The following AGBL3 variants were observed in gnomAD, a reference collection of about 807,000 sequenced individuals.
AGBL3 encodes AGBL carboxypeptidase 3.
Under a neutral mutation model 94.5 loss-of-function variants are expected in AGBL3, and 68 were observed. The observed-to-expected ratio is 0.72, with a 90% CI of 0.59 to 0.88. The LOEUF is 0.88. Among genes scored for constraint, AGBL3 ranks in the 40% least tolerant of loss-of-function variants. The pLI, the probability that AGBL3 is intolerant of heterozygous loss-of-function variation, is 0.00. For missense variants in AGBL3, 934 were observed against 1,103.8 expected, an observed-to-expected ratio of 0.85 and a Z score of 2.18; for synonymous variants, 354 against 370.7, an observed-to-expected ratio of 0.95 and a Z score of 0.52.
rs1354052858 is a variant in AGBL3 at position 135,034,539 on chromosome 7, T to TC, written c.950dup (p.Val318SerfsTer7). 1 of 1,551,952 alleles carries TC rather than the reference T, an allele frequency of 6.4e-7. No homozygotes were observed. Among genetic ancestry groups the TC allele is most frequent in the Admixed American group, 2.0e-5 (1 of 51,000 alleles). ...AATACCTTTCTGGCATCAATAATGATCCAGTACGGTCAAAGTTTTGTAAAA... is the reference window on the plus strand; with the variant it reads ...AATACCTTTCTGGCATCAATAATGATCCCAGTACGGTCAAAGTTTTGTAAAA... On this transcript the variant is annotated frameshift_variant, in exon 7 of 17. Coordinates refer to ENST00000436302, the MANE Select transcript of AGBL3 (RefSeq NM_178563.4). LOFTEE classifies it high-confidence loss of function.
chr7:135,095,295 C>G (rs1301593784), intron 15 of AGBL3, among the ~76,000 whole-genome samples: 1 of 152,162 alleles, frequency 6.6e-6, no homozygotes, highest in African/African-American at 2.4e-5. Context: ...TCCCCCATAC[C>G]TTACCACCAC....
At chr7:134,987,843 T>G in intron 1 of AGBL3, 32 bp from the exon 2 acceptor site, 1 of 934,906 alleles carries the variant, frequency 1.1e-6, no homozygotes, top group Non-Finnish European at 1.6e-6. Context: ...ACCTACAGCT[T>G]GAAAAGAAAA....
intron 15 of AGBL3, among the ~76,000 whole-genome samples, chr7:135,097,497 G>T (rs1379698545): frequency 2.0e-5 from 3 of 152,088 alleles, no homozygotes; most frequent in African/African-American, 7.2e-5. Context: ...TCATCAATCT[G>T]CATTATTGGC....
At chr7:135,060,208 G>C (rs985170144) in intron 12 of AGBL3, among the ~76,000 whole-genome samples, 1 of 152,108 alleles carries the variant, frequency 6.6e-6, no homozygotes, top group African/African-American at 2.4e-5. Flanking sequence ...TATCACTTGA[G>C]ACAGTTTTAC....
intron 8 of AGBL3, 78 bp from the exon 9 acceptor site, chr7:135,043,947 T>C (rs1182613310): frequency 2.0e-6 from 3 of 1,478,062 alleles, no homozygotes; most frequent in Non-Finnish European, 2.7e-6. Flanking sequence ...ATAACCACTT[T>C]ATCATTTTTA....
rs989595729 is a variant in AGBL3, at chr7:134,993,693, G to C, written c.310+15G>C. The C allele has an allele frequency of 3.3e-6, 5 of 1,507,322 alleles. No individual in the cohort carries two copies. The Admixed American group carries it at 1.1e-4, about 33-fold the overall frequency. The allele number at this position is 1,507,322 out of a possible 1,614,324, so 93.4% of individuals were successfully genotyped here. A position where few individuals can be genotyped will look rare whatever the true frequency, so the allele number is the denominator to read the frequency against. On this transcript the variant is annotated intron_variant, in intron 4 of 16. Transcript: ENST00000436302. ...CCAGCATATTGGTATGTTTTTAGCA[G>C]TTTGGGGGATTCAGACATTAGCAAA...
In AGBL3 at chr7:135,034,207, C is replaced by A. The variant is rs1220943061; in HGVS notation, c.616C>A (p.Gln206Lys). ...TGACCTCTTCACAAATAAACACACCCAGTGGTACTATTTCCAAGTCACTAA... is the reference window on the plus strand; with the variant it reads ...TGACCTCTTCACAAATAAACACACCAAGTGGTACTATTTCCAAGTCACTAA... Reference protein sequence around the residue: ...RPDLFTNKHTQWYYFQVTNMR... With the variant: ...RPDLFTNKHTKWYYFQVTNMR... The change falls in exon 7 of 17, where the codon CAG becomes AAG. Residue 206 changes from glutamine (Q) to lysine (K), a missense_variant. Physicochemically the swap from Gln to Lys is moderately conservative, Grantham distance 53 (BLOSUM62 1). Coordinates refer to ENST00000436302, the MANE Select transcript of AGBL3 (RefSeq NM_178563.4). The A allele has an allele frequency of 3.9e-6, 6 of 1,551,440 alleles. No individual in the cohort carries two copies. Among genetic ancestry groups the A allele is most frequent in the Non-Finnish European group, 4.4e-6 (5 of 1,146,908 alleles).
intron 15 of AGBL3, among the ~76,000 whole-genome samples, chr7:135,098,980 A>G (rs78006222): frequency 0.051 from 7,747 of 152,288 alleles, 262 homozygotes; most frequent in Non-Finnish European, 0.08. Context: ...CACACATACT[A>G]TTAATCTGTT....
At chr7:135,003,843 T>G (rs542213249) in intron 4 of AGBL3, among the ~76,000 whole-genome samples, 63 of 151,488 alleles carry the variant, frequency 4.2e-4, no homozygotes, top group African/African-American at 1.5e-3. Flanking sequence ...CCATACTTTG[T>G]TTCTAATATT....
chr7:135,110,403 G>A (rs1360375327), intron 15 of AGBL3, among the ~76,000 whole-genome samples: 1 of 152,244 alleles, frequency 6.6e-6, no homozygotes, highest in East Asian at 1.9e-4. Flanking sequence ...AGCTCCTGGG[G>A]CTCTGTATAT....
intron 4 of AGBL3, among the ~76,000 whole-genome samples, chr7:135,008,549 G>A (rs1232985190): frequency 6.6e-6 from 1 of 151,584 alleles, no homozygotes; most frequent in East Asian, 1.9e-4. Context: ...AAACATAGAG[G>A]CAAATCTTCA....
chr7:135,096,787 G>GAAAGAA (rs1554516804), intron 15 of AGBL3, among the ~76,000 whole-genome samples: 2 of 147,052 alleles, frequency 1.4e-5, no homozygotes, highest in Non-Finnish European at 3.0e-5. Flanking sequence ...AAGAAAGAAA[G>GAAAGAA]AAAGAAAAAG....
chr7:134,994,239 T>C (rs1810679813), intron 4 of AGBL3, among the ~76,000 whole-genome samples: 1 of 152,216 alleles, frequency 6.6e-6, no homozygotes. Context: ...AGTGTATCTT[T>C]ATCTTCTTTT....
At chr7:135,070,615 C>T (rs112369275) in intron 12 of AGBL3, among the ~76,000 whole-genome samples, 17,987 of 151,938 alleles carry the variant, frequency 0.12, 1,188 homozygotes, top group East Asian at 0.19. Flanking sequence ...ACAGAACCAA[C>T]GACAAAAACC....
intron 5 of AGBL3, among the ~76,000 whole-genome samples, chr7:135,032,327 CAG>C (rs1815834424): frequency 6.6e-6 from 1 of 151,870 alleles, no homozygotes; most frequent in African/African-American, 2.4e-5. Flanking sequence ...TTTTTTGAGA[CAG>C]AGTCTCACTC....
chr7:135,019,000 C>G (rs1221617175), intron 5 of AGBL3, among the ~76,000 whole-genome samples: 3 of 152,150 alleles, frequency 2.0e-5, no homozygotes, highest in Non-Finnish European at 2.9e-5. Flanking sequence ...CTGGTCAGTC[C>G]GCAGCTCCAG....
intron 11 of AGBL3, among the ~76,000 whole-genome samples, chr7:135,048,550 A>G (rs1584940497): frequency 6.6e-6 from 1 of 151,938 alleles, no homozygotes; most frequent in East Asian, 1.9e-4. Flanking sequence ...TATAGTTTTC[A>G]TTATACAAGT....
At chr7:135,104,326 T>C (rs1824316848) in intron 15 of AGBL3, among the ~76,000 whole-genome samples, 1 of 152,226 alleles carries the variant, frequency 6.6e-6, no homozygotes, top group African/African-American at 2.4e-5. Context: ...TTGATAGGCA[T>C]CTAGGTTGAT....
Position 135,059,183 on chromosome 7 carries a change from A to T in AGBL3, c.1856A>T (p.Asp619Val). The T allele has an allele frequency of 6.4e-7, 1 of 1,551,096 alleles. No individual in the cohort carries two copies. The highest frequency in any genetic ancestry group is 8.7e-7 in the Non-Finnish European group (1 of 1,146,688). The part of the protein sequence containing the change: ...LDVESSSRGS[D>V]SSESIDSLTY... Reference sequence around the variant, plus strand: ...TTTTTTTGTAGTAGCCGAGGCTCTGACAGTTCAGAATCCATTGACTCTCTG... The same window carrying T: ...TTTTTTTGTAGTAGCCGAGGCTCTGTCAGTTCAGAATCCATTGACTCTCTG... The change falls in exon 12 of 17, where the codon GAC becomes GTC. Residue 619 changes from aspartate to valine, a missense_variant. Asp to Val is a radical substitution (Grantham distance 152). Coordinates refer to ENST00000436302, the MANE Select transcript of AGBL3 (RefSeq NM_178563.4).
Sources: allele counts gnomAD v4.1 joint callset (sites outside exome capture counted in the v4.1 genomes callset), GRCh38; gene constraint gnomAD v4.1.1; transcripts MANE v1.5; gene names NCBI Gene and HGNC (gene_info 2026-07-23, HGNC 2026-07-21).